Variants in NRXN3 observed in about 807,000 individuals in gnomAD.
The protein encoded by NRXN3 is neurexin 3, also known as neurexin III.
In NRXN3, 32 loss-of-function variants were observed where a neutral mutation model predicts 137.6. The ratio of observed to expected loss-of-function variants is 0.23; its 90% confidence interval spans 0.18 to 0.31. NRXN3 has a LOEUF of 0.31. NRXN3 is among the 10% of genes least tolerant of loss of function. The pLI, the probability that NRXN3 is intolerant of heterozygous loss-of-function variation, is 1.00. For missense variants in NRXN3, 1,574 were observed against 2,062.5 expected, an observed-to-expected ratio of 0.76 and a Z score of 4.59; for synonymous variants, 798 against 784.5, an observed-to-expected ratio of 1.02 and a Z score of -0.29.
chr14:79,856,013 T>G (rs1163246991), intron 20 of NRXN3, among the ~76,000 whole-genome samples: 1 of 152,198 alleles, frequency 6.6e-6, no homozygotes, highest in Non-Finnish European at 1.5e-5. Context: ...TTTCCTGTTT[T>G]GTAATACATA....
chr14:79,001,268 A>G (rs1567951127), intron 15 of NRXN3, among the ~76,000 whole-genome samples: 1 of 152,114 alleles, frequency 6.6e-6, no homozygotes, highest in East Asian at 1.9e-4. Context: ...TATTTCTGAA[A>G]TCTACTGTAT....
intron 4 of NRXN3, among the ~76,000 whole-genome samples, chr14:78,470,087 C>G (rs1599077132): frequency 6.6e-6 from 1 of 152,288 alleles, no homozygotes; most frequent in Non-Finnish European, 1.5e-5. Flanking sequence ...TTTTGGCTGG[C>G]CTCTCTGACT....
intron 15 of NRXN3, among the ~76,000 whole-genome samples, chr14:79,242,052 G>A (rs1344723851): frequency 6.7e-6 from 1 of 150,246 alleles, no homozygotes; most frequent in Admixed American, 6.8e-5. Flanking sequence ...GGGTGACAGA[G>A]CCAGACTCCA....
intron 19 of NRXN3, among the ~76,000 whole-genome samples, chr14:79,754,554 A>G (rs1431364826): frequency 9.4e-5 from 6 of 63,928 alleles, no homozygotes; most frequent in Non-Finnish European, 2.0e-4. Context: ...ATATATATAT[A>G]TATATATATG....
At chr14:78,270,724 TATATGGATTATTTCACTTA>T (rs1297586701) in intron 2 of NRXN3, among the ~76,000 whole-genome samples, 1 of 152,266 alleles carries the variant, frequency 6.6e-6, no homozygotes, top group Admixed American at 6.5e-5. Flanking sequence ...TGAACAACTT[TATATGGATTATTTCACTTA>T]ATCCTCACAA....
At chr14:78,577,511 G>A (rs374788651) in intron 4 of NRXN3, among the ~76,000 whole-genome samples, 7 of 152,098 alleles carry the variant, frequency 4.6e-5, no homozygotes, top group African/African-American at 1.2e-4. Context: ...TGTTGCCCAG[G>A]TTGGAGTGCA....
chr14:78,201,026 G>A (rs1566956928), intron 1 of NRXN3, among the ~76,000 whole-genome samples: 1 of 152,238 alleles, frequency 6.6e-6, no homozygotes, highest in East Asian at 1.9e-4. Flanking sequence ...CCCTCCTCGG[G>A]GTGACACTCC....
chr14:78,250,323 A>G (rs1348046189), intron 2 of NRXN3, among the ~76,000 whole-genome samples: 1 of 152,196 alleles, frequency 6.6e-6, no homozygotes, highest in East Asian at 1.9e-4. Flanking sequence ...AGACTCCAGG[A>G]AAGAGCAAGT....
Position 79,861,331 on chromosome 14 carries a change from C to G in NRXN3, c.4094-11C>G. ...ATGAAGATTTTTACACCACCTTCTCCTTGGTAACAGATAAGAGTCTTTCCA... is the reference window on the plus strand; with the variant it reads ...ATGAAGATTTTTACACCACCTTCTCGTTGGTAACAGATAAGAGTCTTTCCA... On this transcript the variant is annotated splice_polypyrimidine_tract_variant and intron_variant, in intron 20 of 20. Transcript: ENST00000335750. The surrounding 1 kb of genome is among the most constrained non-coding windows in gnomAD (Gnocchi z 5.4). 1 of 1,536,134 alleles carries G rather than the reference C, an allele frequency of 6.5e-7. No homozygotes were observed. Among genetic ancestry groups the G allele is most frequent in the Middle Eastern group, 1.7e-4 (1 of 5,990 alleles).
intron 20 of NRXN3, among the ~76,000 whole-genome samples, chr14:79,824,082 A>G (rs932265): frequency 0.91 from 138,707 of 152,254 alleles, 63,217 homozygotes; most frequent in East Asian, 1. Context: ...CCCCAGCTTC[A>G]GGTGTTGTGT....
At chr14:78,548,355 C>T (rs2096655648) in intron 4 of NRXN3, among the ~76,000 whole-genome samples, 1 of 152,064 alleles carries the variant, frequency 6.6e-6, no homozygotes. Context: ...TGGCTTTGAG[C>T]TATAGGTTGG....
At chr14:79,612,897 C>A (rs918530528) in intron 16 of NRXN3, among the ~76,000 whole-genome samples, 13 of 152,188 alleles carry the variant, frequency 8.5e-5, no homozygotes, top group African/African-American at 3.1e-4. Flanking sequence ...TGAACCAAAT[C>A]TCCAATTTTA....
chr14:79,786,512 A>G (rs995557227), intron 19 of NRXN3, among the ~76,000 whole-genome samples: 2 of 152,226 alleles, frequency 1.3e-5, no homozygotes, highest in African/African-American at 4.8e-5. Flanking sequence ...GGAAATTAAG[A>G]GTCCAGTCCA....
chr14:78,256,433 C>A (rs552959834), intron 2 of NRXN3, among the ~76,000 whole-genome samples: 13 of 152,344 alleles, frequency 8.5e-5, no homozygotes, highest in African/African-American at 3.1e-4. Flanking sequence ...AGGGGCACAG[C>A]AGGTGCCTTC....
intron 10 of NRXN3, among the ~76,000 whole-genome samples, chr14:78,895,678 C>T (rs1437128247): frequency 6.6e-6 from 1 of 151,884 alleles, no homozygotes; most frequent in East Asian, 1.9e-4. Flanking sequence ...TTTCAACATG[C>T]CTCACTGAGC....
At chr14:78,402,389 T>G (rs1349758910) in intron 4 of NRXN3, among the ~76,000 whole-genome samples, 1 of 152,336 alleles carries the variant, frequency 6.6e-6, no homozygotes, top group East Asian at 1.9e-4. Context: ...GAATATATAA[T>G]AATTCTTAGG....
chr14:78,594,755 G>A (rs2097145690), intron 4 of NRXN3, among the ~76,000 whole-genome samples: 1 of 152,136 alleles, frequency 6.6e-6, no homozygotes, highest in African/African-American at 2.4e-5. Context: ...TCTTTAATAA[G>A]ACTCCTGTTC....
intron 2 of NRXN3, among the ~76,000 whole-genome samples, chr14:78,271,198 C>T (rs576664019): frequency 6.6e-6 from 1 of 152,194 alleles, no homozygotes; most frequent in Admixed American, 6.5e-5. Flanking sequence ...TCCTCTATTA[C>T]GTGTCACTGA....
chr14:79,546,662 T>C (rs546871609), intron 16 of NRXN3, among the ~76,000 whole-genome samples: 94 of 152,288 alleles, frequency 6.2e-4, no homozygotes, highest in African/African-American at 2.2e-3. Flanking sequence ...GAATCCTTAC[T>C]GTCAATATGA....
Sources: allele counts gnomAD v4.1 joint callset (sites outside exome capture counted in the v4.1 genomes callset), GRCh38; gene constraint gnomAD v4.1.1; non-coding constraint Gnocchi (gnomAD v3.1); transcripts MANE v1.5; gene names NCBI Gene and HGNC (gene_info 2026-07-23, HGNC 2026-07-21).